Variants in YPEL2 observed in about 807,000 individuals in gnomAD.
The protein encoded by YPEL2 is yippee like 2, also known as protein yippee-like 2.
In YPEL2, 2 loss-of-function variants were observed where a neutral mutation model predicts 19.1. That is an observed-to-expected ratio of 0.10 (90% CI 0.04 to 0.33). The LOEUF is 0.33. Ranked by LOEUF, YPEL2 falls within the 10% of genes least tolerant of loss-of-function variation. The pLI, the probability that YPEL2 is intolerant of heterozygous loss-of-function variation, is 1.00. For synonymous variants in YPEL2, 52 were observed against 50.0 expected, an observed-to-expected ratio of 1.04 and a Z score of -0.17; for missense variants, 66 against 140.7, an observed-to-expected ratio of 0.47 and a Z score of 2.68.
At chr17:59,388,729 G>A (rs1052746425) in intron 3 of YPEL2, 24 of 264,480 alleles carry the variant, frequency 9.1e-5, no homozygotes, top group East Asian at 7.7e-5. Flanking sequence ...GATCTGCTGC[G>A]GGACCTAAGG....
chr17:59,338,624 C>T (rs908632991), intron 1 of YPEL2, among the ~76,000 whole-genome samples: 1 of 152,108 alleles, frequency 6.6e-6, no homozygotes, highest in African/African-American at 2.4e-5. Flanking sequence ...GTTCAGGAAG[C>T]ACGTGAGATG....
intron 2 of YPEL2, chr17:59,355,992 C>A (rs1335626031): frequency 1.3e-5 from 2 of 152,134 alleles, no homozygotes; most frequent in South Asian, 4.1e-4. Flanking sequence ...CCACAGCCAC[C>A]CCCGGCGTTA....
At chr17:59,351,705 AGAGGTGG>A (rs1288577712) in intron 1 of YPEL2, among the ~76,000 whole-genome samples, 1 of 152,214 alleles carries the variant, frequency 6.6e-6, no homozygotes, top group East Asian at 1.9e-4. Flanking sequence ...CTTTAAAACT[AGAGGTGG>A]GAGACTGAGC....
At position 59,353,190 on chromosome 17, in the gene YPEL2, T is replaced by G. The variant is rs1306409851; in HGVS notation, c.-195-25T>G. ...GGAGCCCTGCTCCATCAGCCAATGTTAGTCCTCTTCCCTTGATGTTACAGG... is the reference window on the plus strand; with the variant it reads ...GGAGCCCTGCTCCATCAGCCAATGTGAGTCCTCTTCCCTTGATGTTACAGG... On this transcript the variant is annotated intron_variant, in intron 1 of 4. Transcript: ENST00000312655. This position sits in a 1 kb window ranked among gnomAD's most constrained non-coding sequence, Gnocchi z 4.8. 2 of 454,658 alleles carry G rather than the reference T, an allele frequency of 4.4e-6. No homozygotes were observed. The highest frequency in any genetic ancestry group is 7.8e-6 in the Non-Finnish European group (2 of 255,788). The allele number at this position is 454,658 out of a possible 1,614,324, so 28.2% of individuals were successfully genotyped here.
chr17:59,375,599 CGA>C (rs913840651), intron 2 of YPEL2, among the ~76,000 whole-genome samples: 8 of 152,094 alleles, frequency 5.3e-5, no homozygotes, highest in African/African-American at 1.9e-4. Context: ...TCCGTTCACT[CGA>C]GTGATCAAGC....
At chr17:59,364,707 T>C (rs529117518) in intron 2 of YPEL2, among the ~76,000 whole-genome samples, 2 of 142,258 alleles carry the variant, frequency 1.4e-5, no homozygotes, top group South Asian at 2.4e-4. Flanking sequence ...AACCTCCACC[T>C]CCCGAGTTGA....
chr17:59,345,969 A>T (rs2047753893), intron 1 of YPEL2, among the ~76,000 whole-genome samples: 1 of 152,026 alleles, frequency 6.6e-6, no homozygotes, highest in Admixed American at 6.6e-5. Flanking sequence ...CCACCTCTAG[A>T]TCCTGCACTC....
intron 2 of YPEL2, among the ~76,000 whole-genome samples, chr17:59,358,357 G>A (rs945502988): frequency 2.0e-5 from 3 of 152,118 alleles, no homozygotes; most frequent in African/African-American, 7.2e-5. Context: ...CAGGGAGTGA[G>A]ATGTTCTGAA....
chr17:59,369,665 T>G (rs1407866120), intron 2 of YPEL2, among the ~76,000 whole-genome samples: 2 of 152,230 alleles, frequency 1.3e-5, no homozygotes, highest in Non-Finnish European at 2.9e-5. Flanking sequence ...AGTACTAATA[T>G]TTGGGAGCCA....
intron 1 of YPEL2, among the ~76,000 whole-genome samples, chr17:59,346,235 T>A (rs997411534): frequency 1.3e-5 from 2 of 152,214 alleles, no homozygotes; most frequent in Admixed American, 6.5e-5. Context: ...TCTTCACAGA[T>A]GTTGGGACAG....
rs749326816 is a variant in YPEL2 at position 59,397,191 on chromosome 17, T to C, written c.*1T>C. The C allele has an allele frequency of 6.2e-7, 1 of 1,603,928 alleles. No individual in the cohort carries two copies. Among genetic ancestry groups the C allele is most frequent in the Non-Finnish European group, 8.5e-7 (1 of 1,175,430 alleles). On this transcript the variant is annotated 3_prime_UTR_variant, in exon 5 of 5. Transcript: ENST00000312655. Reference sequence around the variant, plus strand: ...GATCAAGGACAATGGCTGGGACTGATTGGACAGCATCTACCCAACCCAGTG... The same window carrying C: ...GATCAAGGACAATGGCTGGGACTGACTGGACAGCATCTACCCAACCCAGTG...
intron 4 of YPEL2, 89 bp from the exon 5 acceptor site, chr17:59,397,012 C>T: frequency 1.1e-6 from 1 of 924,452 alleles, no homozygotes; most frequent in Non-Finnish European, 1.6e-6. Context: ...GCCTGGGTGA[C>T]AGAGTGAGAC....
At chr17:59,343,177 C>G (rs2047740056) in intron 1 of YPEL2, among the ~76,000 whole-genome samples, 1 of 152,146 alleles carries the variant, frequency 6.6e-6, no homozygotes, top group Non-Finnish European at 1.5e-5. Flanking sequence ...GTGTGTAAGT[C>G]CCATGTAATG....
At chr17:59,370,842 A>G (rs936807472) in intron 2 of YPEL2, among the ~76,000 whole-genome samples, 5 of 151,888 alleles carry the variant, frequency 3.3e-5, no homozygotes, top group African/African-American at 1.2e-4. Flanking sequence ...CTGAAACCAG[A>G]CAAGAGGAAC....
At chr17:59,394,198 C>A (rs768466899) in intron 4 of YPEL2, among the ~76,000 whole-genome samples, 1 of 151,842 alleles carries the variant, frequency 6.6e-6, no homozygotes, top group Non-Finnish European at 1.5e-5. Flanking sequence ...GGGGCTGACC[C>A]CCACCTCCCT....
chr17:59,354,005 GTTGA>G, intron 2 of YPEL2: 1 of 249,460 alleles, frequency 4.0e-6, no homozygotes, highest in South Asian at 4.8e-5. Context: ...AAAGTGGCTT[GTTGA>G]AGAGCTGACC....
chr17:59,379,682 C>G (rs552819266), intron 2 of YPEL2, among the ~76,000 whole-genome samples: 1 of 152,068 alleles, frequency 6.6e-6, no homozygotes. Context: ...GTGATAGTTG[C>G]GTGACCTTGT....
chr17:59,376,258 C>T (rs1316106597), intron 2 of YPEL2, among the ~76,000 whole-genome samples: 2 of 152,144 alleles, frequency 1.3e-5, no homozygotes, highest in Non-Finnish European at 2.9e-5. Flanking sequence ...CTCTCTCTGT[C>T]GCCCAGGCTG....
At chr17:59,334,227 C>T (rs1180029668) in intron 1 of YPEL2, among the ~76,000 whole-genome samples, 3 of 152,108 alleles carry the variant, frequency 2.0e-5, no homozygotes, top group Admixed American at 6.6e-5. Flanking sequence ...TATGTGAATT[C>T]TTCATTGTCG....
Sources: allele counts gnomAD v4.1 joint callset (sites outside exome capture counted in the v4.1 genomes callset), GRCh38; gene constraint gnomAD v4.1.1; non-coding constraint Gnocchi (gnomAD v3.1); transcripts MANE v1.5; gene names NCBI Gene and HGNC (gene_info 2026-07-23, HGNC 2026-07-21).